Variants in CALY observed in about 807,000 individuals in gnomAD.
The protein encoded by CALY is calcyon neuron specific vesicular protein.
A neutral mutation model predicts 20.2 loss-of-function variants in CALY; 15 were observed. The observed-to-expected ratio is 0.74, with a 90% CI of 0.50 to 1.14. The LOEUF is 1.14. CALY is among the 50% of genes most tolerant of loss of function. The pLI, the probability that CALY is intolerant of heterozygous loss-of-function variation, is 0.00. For synonymous variants in CALY, 129 were observed against 131.8 expected (o/e 0.98, Z 0.15); for missense variants, 270 against 304.4 (o/e 0.89, Z 0.84).
intron 4 of CALY, chr10:133,326,389 C>T: frequency 1.1e-6 from 1 of 874,906 alleles, no homozygotes; most frequent in Non-Finnish European, 1.9e-6. Context: ...CTCTGCGGAG[C>T]GCGCTCCAGA....
At chr10:133,334,878 C>A (rs1373241229) in intron 1 of CALY, among the ~76,000 whole-genome samples, 2 of 152,108 alleles carry the variant, frequency 1.3e-5, no homozygotes, top group Non-Finnish European at 2.9e-5. Flanking sequence ...GCCTGCCGGG[C>A]CTTTCTGGAA....
intron 1 of CALY, among the ~76,000 whole-genome samples, chr10:133,335,941 TC>T (rs1342831747): frequency 6.6e-6 from 1 of 152,136 alleles, no homozygotes; most frequent in Non-Finnish European, 1.5e-5. Flanking sequence ...GTGCAGGCTC[TC>T]AGTCGAAAGT....
At chr10:133,329,389 C>CTTTTTTTTTTTT (rs1325679515) in intron 1 of CALY, among the ~76,000 whole-genome samples, 54 of 99,646 alleles carry the variant, frequency 5.4e-4, no homozygotes, top group African/African-American at 2.0e-3. Flanking sequence ...TCTTCTTCTT[C>CTTTTTTTTTTTT]TTCTTTTTTT....
At chr10:133,336,283 G>C (rs901391900) in intron 1 of CALY, among the ~76,000 whole-genome samples, 1 of 152,086 alleles carries the variant, frequency 6.6e-6, no homozygotes, top group Non-Finnish European at 1.5e-5. Context: ...CGAGCCTGCT[G>C]CAGGTGGTTC....
At chr10:133,333,534 G>C (rs1457050794) in intron 1 of CALY, among the ~76,000 whole-genome samples, 2 of 151,744 alleles carry the variant, frequency 1.3e-5, no homozygotes, top group Non-Finnish European at 2.9e-5. Flanking sequence ...GGATCTGAGG[G>C]GGGAAGAATC....
rs567720406 is a variant in CALY at position 133,333,643 on chromosome 10, G to A, written c.-21+3191C>T. Among the ~76,000 whole-genome samples, 464 of 135,674 alleles carry A rather than the reference G, an allele frequency of 3.4e-3. 5 individuals carry two copies. Among genetic ancestry groups the A allele is most frequent in the African/African-American group, 0.012 (446 of 36,642 alleles). 89.0% of individuals were successfully genotyped at this position (135,674 alleles called of 152,430 possible). A position where few individuals can be genotyped will look rare whatever the true frequency, so the allele number is the denominator to read the frequency against. On this transcript the variant is annotated intron_variant, in intron 1 of 5. Coordinates refer to ENST00000252939, the MANE Select transcript of CALY (RefSeq NM_015722.4). The stretch of plus-strand genomic sequence containing the variant: ...AGGGCTCTGAGGGGGAAAGATCTGA[G>A]AGTGGAAGGCTCTGAGGCGGAAAGA...
chr10:133,335,825 G>T (rs1019770172), intron 1 of CALY, among the ~76,000 whole-genome samples: 1 of 152,196 alleles, frequency 6.6e-6, no homozygotes, highest in African/African-American at 2.4e-5. Context: ...GGCAGTGCCC[G>T]GCTCCTGTCT....
At chr10:133,327,086 G>A (rs1848227172) in intron 3 of CALY, 95 bp from the exon 4 acceptor site, 8 of 840,164 alleles carry the variant, frequency 9.5e-6, no homozygotes, top group East Asian at 5.3e-5. Flanking sequence ...GACCATCCCC[G>A]CCCTCCAGTC....
At chr10:133,328,459 C>G (rs1378929064) in intron 2 of CALY, among the ~76,000 whole-genome samples, 1 of 152,218 alleles carries the variant, frequency 6.6e-6, no homozygotes, top group African/African-American at 2.4e-5. Context: ...CTTTGCTTCT[C>G]CCCAGTTTCT....
At chr10:133,327,855 C>G in intron 3 of CALY, 50 bp downstream of exon 3, 1 of 1,289,856 alleles carries the variant, frequency 7.8e-7, no homozygotes, top group Non-Finnish European at 1.1e-6. Context: ...TGCCTTCCAC[C>G]TTCTCCTCCT....
intron 2 of CALY, 81 bp downstream of exon 2, chr10:133,328,774 A>G: frequency 7.2e-7 from 1 of 1,383,132 alleles, no homozygotes; most frequent in Non-Finnish European, 9.6e-7. Flanking sequence ...GGAAGAGGCC[A>G]TATCTAGACA....
intron 1 of CALY, among the ~76,000 whole-genome samples, chr10:133,331,479 AAAAT>A (rs770897227): frequency 7.9e-4 from 121 of 152,214 alleles, no homozygotes; most frequent in Non-Finnish European, 1.1e-3. Flanking sequence ...GTCAGTGGCA[AAAAT>A]AAATAAATAA....
chr10:133,328,887 T>G lies in CALY; in HGVS notation c.103A>C (p.Ile35Leu), dbSNP rs1212932338. ...GGGAGTGGCGGCTGGAGCTGGCTGA[T>G]GTCCAAGGGGCTGATCAGAGGCACA... is the stretch of plus-strand genomic sequence containing the variant. ...DSVPLISPLD[I>L]SQLQPPLPDQ... Residue 35 changes from isoleucine to leucine, a missense_variant, in exon 2 of 6, where the codon ATC becomes CTC. Transcript: ENST00000252939. The G allele has an allele frequency of 6.5e-7, 1 of 1,547,944 alleles. No homozygotes were observed. The highest frequency in any genetic ancestry group is 1.4e-5 in the African/African-American group (1 of 73,154).
At chr10:133,331,624 G>A (rs1158235911) in intron 1 of CALY, among the ~76,000 whole-genome samples, 1 of 152,216 alleles carries the variant, frequency 6.6e-6, no homozygotes, top group Non-Finnish European at 1.5e-5. Flanking sequence ...TGTCGACAGA[G>A]ACCAAGAAAA....
At chr10:133,329,392 C>CTTTTTT (rs112012967) in intron 1 of CALY, among the ~76,000 whole-genome samples, 5 of 137,436 alleles carry the variant, frequency 3.6e-5, no homozygotes, top group Admixed American at 7.4e-5. Context: ...TCTTCTTCTT[C>CTTTTTT]TTTTTTTTTT....
At position 133,324,797 on chromosome 10, in the gene CALY, G is replaced by A. The variant is rs973513326; in HGVS notation, c.*798C>T. On this transcript the variant is annotated 3_prime_UTR_variant, in exon 6 of 6. Transcript: ENST00000252939. ...ATGCTGGGGCTGGGGTGGGGATGCT[G>A]GGGGAGACTCATGGCAGCTCCAGGC... is the stretch of plus-strand genomic sequence containing the variant. 3.4e-6 allele frequency: 1 copy of A among 293,544 alleles called. No individual in the cohort carries two copies. The highest frequency in any genetic ancestry group is 6.7e-6 in the Non-Finnish European group (1 of 149,792). 18.2% of individuals were successfully genotyped at this position (293,544 alleles called of 1,614,324 possible).
At chr10:133,335,769 T>A (rs965588981) in intron 1 of CALY, among the ~76,000 whole-genome samples, 4 of 152,138 alleles carry the variant, frequency 2.6e-5, no homozygotes, top group African/African-American at 9.7e-5. Flanking sequence ...TGTCGCGGCA[T>A]CTTCTGCGGG....
intron 1 of CALY, among the ~76,000 whole-genome samples, chr10:133,333,460 G>A (rs1310254949): frequency 6.8e-6 from 1 of 147,948 alleles, no homozygotes; most frequent in Non-Finnish European, 1.5e-5. Context: ...GGAGGGATCC[G>A]AAGGGGTAAG....
Position 133,324,328 on chromosome 10 carries a change from G to A in CALY, c.*1267C>T, listed in dbSNP as rs1381959508. 2.2e-6 allele frequency: 1 copy of A among 455,898 alleles called. No individual in the cohort carries two copies. 28.2% of individuals were successfully genotyped at this position (455,898 alleles called of 1,614,324 possible). On this transcript the variant is annotated 3_prime_UTR_variant, in exon 6 of 6. Coordinates refer to ENST00000252939, the MANE Select transcript of CALY (RefSeq NM_015722.4). The stretch of plus-strand genomic sequence containing the variant: ...CACCATGGCTTCCCTGGCAGGCCCA[G>A]TTCACAGGCTTCCTGGGCACTGCCG...
Sources: gnomAD v4.1 joint callset for allele counts (sites outside exome capture counted in the v4.1 genomes callset) on GRCh38, gnomAD v4.1.1 for gene constraint, MANE v1.5 for transcripts, NCBI Gene and HGNC (gene_info 2026-07-23, HGNC 2026-07-21) for gene names.